EIF2B3: variants seen among roughly 807,000 people sequenced by gnomAD.
The protein encoded by EIF2B3 is eukaryotic translation initiation factor 2B subunit gamma.
A neutral mutation model predicts 54.1 loss-of-function variants in EIF2B3; 20 were observed. That is an observed-to-expected ratio of 0.37 (90% CI 0.26 to 0.54). The LOEUF (loss-of-function observed/expected upper bound fraction) is 0.54. EIF2B3 is among the 20% of genes least tolerant of loss of function. The probability of loss-of-function intolerance (pLI) is 0.86; values close to 1 mark genes in which losing one functional copy is unlikely to be tolerated. For synonymous variants in EIF2B3, 153 were observed against 188.1 expected, an observed-to-expected ratio of 0.81 and a Z score of 1.52; for missense variants, 448 against 547.8, an observed-to-expected ratio of 0.82 and a Z score of 1.82.
chr1:44,975,164 C>G (rs2148962549), intron 3 of EIF2B3, among the ~76,000 whole-genome samples: 1 of 152,076 alleles, frequency 6.6e-6, no homozygotes, highest in South Asian at 2.1e-4. Flanking sequence ...TGCAGTGAGC[C>G]TTGATCACAC....
At position 44,857,689 on chromosome 1, in the gene EIF2B3, T is replaced by C. The variant is rs1387087037; in HGVS notation, c.1306+15A>G. The C allele has an allele frequency of 6.2e-7, 1 of 1,612,674 alleles. No homozygotes were observed. Among genetic ancestry groups the C allele is most frequent in the African/African-American group, 1.3e-5 (1 of 74,916 alleles). On this transcript the variant is annotated intron_variant, in intron 11 of 11. Transcript: ENST00000360403. Reference sequence around the variant, plus strand: ...GAGAAGTAAAAATGGAATCTGTGATTGTAATCTGGTTTACCTTTGGCTTCA... The same window carrying C: ...GAGAAGTAAAAATGGAATCTGTGATCGTAATCTGGTTTACCTTTGGCTTCA...
intron 4 of EIF2B3, among the ~76,000 whole-genome samples, chr1:44,933,019 C>A (rs1269147809): frequency 6.6e-6 from 1 of 151,844 alleles, no homozygotes; most frequent in Non-Finnish European, 1.5e-5. Flanking sequence ...AGCTCTACAG[C>A]AGGGCAACTA....
intron 4 of EIF2B3, among the ~76,000 whole-genome samples, chr1:44,937,959 A>C (rs1643973078): frequency 8.0e-6 from 1 of 124,396 alleles, no homozygotes; most frequent in Non-Finnish European, 1.7e-5. Context: ...AAAAGTCTAA[A>C]CATGAATTTG....
At chr1:44,868,496 AT>A (rs57428854) in intron 10 of EIF2B3, among the ~76,000 whole-genome samples, 394 of 135,276 alleles carry the variant, frequency 2.9e-3, no homozygotes, top group Middle Eastern at 7.6e-3. Flanking sequence ...CTAACACTGG[AT>A]TTTTTTTTTT....
At chr1:44,871,904 T>A (rs915824254) in intron 10 of EIF2B3, among the ~76,000 whole-genome samples, 6 of 135,752 alleles carry the variant, frequency 4.4e-5, no homozygotes. Flanking sequence ...TGAGATAGGG[T>A]CTCACTCTGT....
chr1:44,923,359 TTTGA>T (rs1274491652), intron 5 of EIF2B3, among the ~76,000 whole-genome samples: 1 of 152,232 alleles, frequency 6.6e-6, no homozygotes, highest in African/African-American at 2.4e-5. Context: ...TACTCTCATA[TTTGA>T]TTGATAGTTT....
intron 3 of EIF2B3, among the ~76,000 whole-genome samples, chr1:44,956,998 C>T (rs868064195): frequency 6.6e-6 from 1 of 152,150 alleles, no homozygotes; most frequent in Admixed American, 6.5e-5. Context: ...AGTGGTGGCT[C>T]ATGCCTGTAA....
At position 44,874,712 on chromosome 1, in the gene EIF2B3, A is replaced by C. The variant is rs778619398; in HGVS notation, c.1168T>G (p.Cys390Gly). The stretch of plus-strand genomic sequence containing the variant: ...ACAGTGACTGAGTTCATGAGAAGGC[A>C]ATTGGTAATAGTCACTCTATCTTTT... ...LIKDRVTITN[C>G]LLMNSVTVEE... Residue 390 changes from cysteine to glycine, a missense_variant, in exon 10 of 12, where the codon TGC (cysteine) becomes GGC (glycine). Physicochemically the swap from Cys to Gly is radical, Grantham distance 159. This residue lies in a region of EIF2B3 where 350 missense variants were observed against 414.2 expected (regional missense o/e 0.85). Coordinates refer to ENST00000360403, the MANE Select transcript of EIF2B3 (RefSeq NM_020365.5). 1 of 1,614,196 alleles carries C rather than the reference A, an allele frequency of 6.2e-7. No homozygotes were observed. The highest frequency in any genetic ancestry group is 8.5e-7 in the Non-Finnish European group (1 of 1,180,028).
At chr1:44,936,185 C>T (rs1643944961) in intron 4 of EIF2B3, among the ~76,000 whole-genome samples, 1 of 152,114 alleles carries the variant, frequency 6.6e-6, no homozygotes, top group African/African-American at 2.4e-5. Flanking sequence ...CTTGCTTACA[C>T]TTCTAAGTTG....
At chr1:44,921,160 A>G (rs895580702) in intron 5 of EIF2B3, among the ~76,000 whole-genome samples, 1 of 152,172 alleles carries the variant, frequency 6.6e-6, no homozygotes, top group African/African-American at 2.4e-5. Flanking sequence ...ACCTTTTCAT[A>G]TATCTGCTTG....
At chr1:44,877,181 A>G (rs1371733045) in intron 8 of EIF2B3, among the ~76,000 whole-genome samples, 5 of 134,474 alleles carry the variant, frequency 3.7e-5, no homozygotes, top group Non-Finnish European at 6.3e-5. Context: ...GAAACACCCA[A>G]GAATGATCAA....
Position 44,919,883 on chromosome 1 carries a change from C to CTTTTTTTTTTTTTTTTTTTT in EIF2B3, c.566+6744_566+6745insAAAAAAAAAAAAAAAAAAAA, listed in dbSNP as rs1194645004. Among the ~76,000 whole-genome samples the CTTTTTTTTTTTTTTTTTTTT allele has an allele frequency of 1.9e-4, 22 of 117,230 alleles. 2 individuals carry two copies. The highest frequency in any genetic ancestry group is 4.0e-4 in the Non-Finnish European group (22 of 54,420). The allele number at this position is 117,230 out of a possible 152,430, so 76.9% of individuals were successfully genotyped here. ...ACGCATGCGACAACATGCCTGGCTA[C>CTTTTTTTTTTTTTTTTTTTT]TTTTTTTTTTTTTTTTTTAGTAGAT... On this transcript the variant is annotated intron_variant, in intron 5 of 11. Transcript: ENST00000360403.
At chr1:44,877,047 C>T (rs1356884163) in intron 8 of EIF2B3, among the ~76,000 whole-genome samples, 1 of 150,712 alleles carries the variant, frequency 6.6e-6, no homozygotes, top group Non-Finnish European at 1.5e-5. Flanking sequence ...TACCCAGGGA[C>T]ACAAACGCTG....
At chr1:44,887,799 G>C (rs934348736) in intron 6 of EIF2B3, among the ~76,000 whole-genome samples, 3 of 152,070 alleles carry the variant, frequency 2.0e-5, no homozygotes. Context: ...TGGCTACTCG[G>C]GGGGCTGAGG....
chr1:44,931,409 T>C (rs553351637), intron 4 of EIF2B3, among the ~76,000 whole-genome samples: 4 of 152,352 alleles, frequency 2.6e-5, no homozygotes, highest in Middle Eastern at 3.4e-3. Context: ...CATGCCTGGA[T>C]TCTTGGCCCA....
At chr1:44,879,673 T>C (rs1655322034) in intron 8 of EIF2B3, 145 bp downstream of exon 8, 3 of 908,110 alleles carry the variant, frequency 3.3e-6, no homozygotes, top group Non-Finnish European at 5.2e-6. Context: ...ACCCTAGTAG[T>C]CTCCCTTGAC....
chr1:44,962,519 T>C (rs1197205752), intron 3 of EIF2B3, among the ~76,000 whole-genome samples: 5 of 152,150 alleles, frequency 3.3e-5, no homozygotes, highest in Non-Finnish European at 7.4e-5. Flanking sequence ...CAGGGGATCC[T>C]CCCTCTTCAG....
chr1:44,962,410 A>T (rs1305940177), intron 3 of EIF2B3, among the ~76,000 whole-genome samples: 1 of 152,150 alleles, frequency 6.6e-6, no homozygotes, highest in Non-Finnish European at 1.5e-5. Flanking sequence ...TCACATAAAC[A>T]TGCATCTATT....
intron 1 of EIF2B3, among the ~76,000 whole-genome samples, chr1:44,983,718 AT>A (rs1005201629): frequency 7.4e-5 from 11 of 149,240 alleles, no homozygotes; most frequent in South Asian, 6.4e-4. Flanking sequence ...CTAAAAAAAA[AT>A]TTTTTTTTTT....
Sources: allele counts gnomAD v4.1 joint callset (sites outside exome capture counted in the v4.1 genomes callset), GRCh38; gene constraint gnomAD v4.1.1; regional missense constraint gnomAD v4.1.1; transcripts MANE v1.5; gene names NCBI Gene and HGNC (gene_info 2026-07-23, HGNC 2026-07-21).